CATSPERB: variants seen among roughly 807,000 people sequenced by gnomAD.
The protein encoded by CATSPERB is catsper channel auxiliary subunit beta, also known as cation channel sperm-associated auxiliary subunit beta.
In CATSPERB, 93 loss-of-function variants were observed where a neutral mutation model predicts 128.3. The ratio of observed to expected loss-of-function variants is 0.72; its 90% CI spans 0.61 to 0.86. The LOEUF (loss-of-function observed/expected upper bound fraction) is 0.86. Ranked by LOEUF, CATSPERB falls within the 40% of genes least tolerant of loss-of-function variation. CATSPERB has a pLI of 0.00. For missense variants in CATSPERB, 1,153 were observed against 1,329.5 expected (o/e 0.87, Z 2.06); for synonymous variants, 381 against 448.8 (o/e 0.85, Z 1.91).
rs888765602 is a variant in CATSPERB, at chr14:91,590,807, C to T, written c.2820+1085G>A. Among the ~76,000 whole-genome samples the T allele has an allele frequency of 7.1e-4, 107 of 151,638 alleles. 1 individual carries two copies. Among genetic ancestry groups the T allele is most frequent in the African/African-American group, 2.4e-3 (99 of 41,416 alleles). On this transcript the variant is annotated intron_variant, in intron 23 of 26. Coordinates refer to ENST00000256343, the MANE Select transcript of CATSPERB (RefSeq NM_024764.4). ...CTGGGACTACAGGCGCCCACCACCACGCCCGGCTAATTTTTTTGTATTTTT... is the reference window on the plus strand; with the variant it reads ...CTGGGACTACAGGCGCCCACCACCATGCCCGGCTAATTTTTTTGTATTTTT...
At chr14:91,586,911 A>G (rs1017864150) in intron 26 of CATSPERB, among the ~76,000 whole-genome samples, 2 of 152,248 alleles carry the variant, frequency 1.3e-5, no homozygotes, top group African/African-American at 2.4e-5. Context: ...ATTAAAAGTC[A>G]GAAAACTGGG....
chr14:91,633,204 T>C (rs181930122), intron 17 of CATSPERB, among the ~76,000 whole-genome samples: 25 of 152,300 alleles, frequency 1.6e-4, no homozygotes, highest in Admixed American at 5.2e-4. Context: ...GTGTATGCTT[T>C]TCTCCTGTTA....
At chr14:91,624,230 C>G (rs555990032) in intron 18 of CATSPERB, among the ~76,000 whole-genome samples, 2 of 152,278 alleles carry the variant, frequency 1.3e-5, no homozygotes, top group East Asian at 3.9e-4. Context: ...GCCTGTAATC[C>G]TAGCACTTTG....
chr14:91,630,604 C>A (rs187739453), intron 17 of CATSPERB, among the ~76,000 whole-genome samples: 6 of 152,244 alleles, frequency 3.9e-5, no homozygotes, highest in African/African-American at 1.2e-4. Flanking sequence ...TTGCTCATAT[C>A]CCTAACAGGC....
intron 11 of CATSPERB, among the ~76,000 whole-genome samples, chr14:91,680,709 A>T (rs928159598): frequency 6.6e-6 from 1 of 152,186 alleles, no homozygotes; most frequent in Admixed American, 6.5e-5. Flanking sequence ...TTAGTATGGG[A>T]CAAAGTAAAA....
intron 18 of CATSPERB, among the ~76,000 whole-genome samples, chr14:91,622,210 A>ATT (rs35544588): frequency 0.59 from 88,561 of 150,582 alleles, 26,767 homozygotes; most frequent in Admixed American, 0.71. Flanking sequence ...AAGAAAGCTG[A>ATT]TTTTTTTTTT....
chr14:91,702,387 C>T (rs1036848155), intron 7 of CATSPERB, among the ~76,000 whole-genome samples: 1 of 150,088 alleles, frequency 6.7e-6, no homozygotes, highest in African/African-American at 2.5e-5. Context: ...AAAATAATTG[C>T]AAAAACCGCG....
In CATSPERB at chr14:91,636,552, G is replaced by C. The variant is rs772523038; in HGVS notation, c.1615C>G (p.Leu539Val). The C allele has an allele frequency of 1.9e-5, 31 of 1,613,844 alleles. No individual in the cohort carries two copies. The highest frequency in any genetic ancestry group is 2.5e-5 in the Non-Finnish European group (30 of 1,179,968). ...TCTAAGGAGGTGTGCTGTGGGGCAA[G>C]CGCAGTCTCAAAGCCCATATCTGGA... ...QPPDMGFETA[L>V]APQHTSLDEI... The change falls in exon 17 of 27, where the codon CTT (leucine) becomes GTT (valine). Residue 539 changes from leucine to valine, a missense_variant. Transcript: ENST00000256343.
At chr14:91,715,447 G>A (rs1271409353) in intron 5 of CATSPERB, among the ~76,000 whole-genome samples, 1 of 151,046 alleles carries the variant, frequency 6.6e-6, no homozygotes, top group Non-Finnish European at 1.5e-5. Flanking sequence ...AGCTACTGAG[G>A]AGCCTGAGGC....
intron 15 of CATSPERB, 35 bp downstream of exon 15, chr14:91,659,802 T>C (rs1292176785): frequency 6.3e-7 from 1 of 1,580,332 alleles, no homozygotes; most frequent in East Asian, 2.3e-5. Flanking sequence ...CTGGGCCACA[T>C]GTAATGCTTA....
At chr14:91,699,390 C>T (rs546834484) in intron 7 of CATSPERB, among the ~76,000 whole-genome samples, 4 of 152,094 alleles carry the variant, frequency 2.6e-5, no homozygotes, top group Non-Finnish European at 5.9e-5. Context: ...CAATGCAATT[C>T]CCATCAAAAT....
intron 19 of CATSPERB, among the ~76,000 whole-genome samples, chr14:91,619,556 A>T (rs375078656): frequency 3.5e-4 from 19 of 54,930 alleles, no homozygotes; most frequent in African/African-American, 7.4e-4. Context: ...TTTTTTTTAA[A>T]AAAAAAATAG....
intron 11 of CATSPERB, among the ~76,000 whole-genome samples, chr14:91,682,159 G>A (rs554279882): frequency 6.6e-6 from 1 of 152,284 alleles, no homozygotes; most frequent in Admixed American, 6.5e-5. Flanking sequence ...AGTACTTGGA[G>A]TCATTTCTAT....
intron 11 of CATSPERB, among the ~76,000 whole-genome samples, chr14:91,681,647 T>C (rs1465390614): frequency 1.3e-5 from 2 of 152,256 alleles, no homozygotes; most frequent in Non-Finnish European, 2.9e-5. Context: ...ATCAGTTTTC[T>C]GCTTCCAGGT....
intron 21 of CATSPERB, 115 bp downstream of exon 21, chr14:91,610,365 G>A: frequency 2.8e-6 from 2 of 715,652 alleles, no homozygotes; most frequent in Non-Finnish European, 4.6e-6. Context: ...AAAAATAACT[G>A]TGAAGTGTTT....
intron 11 of CATSPERB, among the ~76,000 whole-genome samples, chr14:91,676,764 A>G (rs1471831868): frequency 1.3e-5 from 2 of 152,216 alleles, no homozygotes; most frequent in Non-Finnish European, 2.9e-5. Context: ...CGTATAGCCA[A>G]GACAATCCTA....
Position 91,617,578 on chromosome 14 carries a change from T to C in CATSPERB, c.2400+19A>G, listed in dbSNP as rs1043659462. 2 of 1,558,998 alleles carry C rather than the reference T, an allele frequency of 1.3e-6. No individual in the cohort carries two copies. Among genetic ancestry groups the C allele is most frequent in the African/African-American group, 2.8e-5 (2 of 71,878 alleles). ...TTTTTCATCAGTAAGAAATGTTTTG[T>C]AAATGAAGAAAATCCTACCTGATGT... On this transcript the variant is annotated intron_variant, in intron 20 of 26. Transcript: ENST00000256343.
chr14:91,675,881 A>G (rs1020260207), intron 11 of CATSPERB, among the ~76,000 whole-genome samples: 3 of 152,126 alleles, frequency 2.0e-5, no homozygotes, highest in Non-Finnish European at 2.9e-5. Context: ...TTATGGGGGA[A>G]AGAAGCATGT....
chr14:91,714,287 AAAAAAG>A (rs550876183), intron 5 of CATSPERB, among the ~76,000 whole-genome samples: 4,458 of 98,860 alleles, frequency 0.045, 86 homozygotes, highest in South Asian at 0.11. Context: ...CAAAAAAAAA[AAAAAAG>A]AAAAAAAGAA....
Sources: gnomAD v4.1 joint callset for allele counts (sites outside exome capture counted in the v4.1 genomes callset) on GRCh38, gnomAD v4.1.1 for gene constraint, MANE v1.5 for transcripts, NCBI Gene and HGNC (gene_info 2026-07-23, HGNC 2026-07-21) for gene names.